The following SNRPN variants were observed in gnomAD, a reference collection of about 807,000 sequenced individuals.
SNRPN encodes the protein small nuclear ribonucleoprotein polypeptide N, also known as small nuclear ribonucleoprotein-associated protein N.
Under a neutral mutation model 25.2 loss-of-function variants are expected in SNRPN, and 7 were observed. The ratio of observed to expected loss-of-function variants is 0.28; its 90% confidence interval spans 0.16 to 0.52. The LOEUF is 0.52. SNRPN is among the 20% of genes least tolerant of loss of function. The pLI, the probability that SNRPN is intolerant of heterozygous loss-of-function variation, is 0.96. For synonymous variants in SNRPN, 124 were observed against 110.6 expected, an observed-to-expected ratio of 1.12 and a Z score of -0.76; for missense variants, 196 against 322.5, an observed-to-expected ratio of 0.61 and a Z score of 3.00.
exon 2 of SNRPN, chr15:24,886,574 T>TG (rs914622753): frequency 6.6e-6 from 1 of 152,200 alleles, no homozygotes; most frequent in African/African-American, 2.4e-5. Context: ...AGCAGCCACG[T>TG]GGGGCACTTC....
At chr15:24,969,460 T>A (rs892589579) in intron 3 of SNRPN, among the ~76,000 whole-genome samples, 1 of 152,112 alleles carries the variant, frequency 6.6e-6, no homozygotes, top group Admixed American at 6.6e-5. Flanking sequence ...GAGACAGAAA[T>A]TTTCTGAGAA....
chr15:24,950,069 G>T (rs1337856377), upstream of SNRPN, among the ~76,000 whole-genome samples: 2 of 151,998 alleles, frequency 1.3e-5, no homozygotes, highest in South Asian at 2.1e-4. Context: ...CAATCCTCTC[G>T]CCTTGGCTTC....
In SNRPN at chr15:24,967,855, C is replaced by T; in HGVS notation, c.-294-77C>T. 18 of 1,122,020 alleles carry T rather than the reference C, an allele frequency of 1.6e-5. No individual in the cohort carries two copies. In the South Asian group the frequency reaches 2.3e-4, roughly 14 times the overall value. The allele number at this position is 1,122,020 out of a possible 1,614,324, so 69.5% of individuals were successfully genotyped here. A position where few individuals can be genotyped will look rare whatever the true frequency, so the allele number is the denominator to read the frequency against. The stretch of plus-strand genomic sequence containing the variant: ...GAATATCTTCTTAAATGTAAGGGTA[C>T]CTAGTTTTCTTTCATATGGTTTCCT... On this transcript the variant is annotated intron_variant, in intron 2 of 9. Coordinates refer to ENST00000390687, the MANE Select transcript of SNRPN (RefSeq NM_003097.6).
At chr15:24,908,172 T>C (rs1222677041) in intron 2 of SNRPN, among the ~76,000 whole-genome samples, 1 of 151,918 alleles carries the variant, frequency 6.6e-6, no homozygotes, top group South Asian at 2.1e-4. Flanking sequence ...ACTCCAGAAC[T>C]GTGAGAAACA....
At chr15:24,965,070 T>G (rs1714489611) in intron 2 of SNRPN, among the ~76,000 whole-genome samples, 1 of 152,200 alleles carries the variant, frequency 6.6e-6, no homozygotes, top group Non-Finnish European at 1.5e-5. Context: ...GTAAGCAGGA[T>G]TGGTTAACAC....
At chr15:24,824,687 C>G (rs1477216049) in intron 1 of SNRPN, among the ~76,000 whole-genome samples, 1 of 151,736 alleles carries the variant, frequency 6.6e-6, no homozygotes, top group East Asian at 1.9e-4. Context: ...AATAGTTTAC[C>G]TACTTTTTAG....
intron 1 of SNRPN, among the ~76,000 whole-genome samples, chr15:24,864,193 A>T (rs1336116203): frequency 7.7e-6 from 1 of 130,306 alleles, no homozygotes; most frequent in Non-Finnish European, 1.6e-5. Context: ...CGCCCGGCTA[A>T]TTTTTTTTGT....
intron 3 of SNRPN, among the ~76,000 whole-genome samples, chr15:24,969,903 C>T (rs1007578507): frequency 3.3e-5 from 5 of 152,100 alleles, no homozygotes; most frequent in South Asian, 2.1e-4. Context: ...ATTGGTGCTA[C>T]GGTGGTGCAG....
chr15:24,857,366 T>TCTGTTTCTTC (rs2053504336), intron 1 of SNRPN, among the ~76,000 whole-genome samples: 2 of 152,200 alleles, frequency 1.3e-5, no homozygotes, highest in Non-Finnish European at 2.9e-5. Flanking sequence ...ACCAATGATA[T>TCTGTTTCTTC]AGATATATAT....
chr15:24,951,472 A>T (rs172678), upstream of SNRPN, among the ~76,000 whole-genome samples: 20,615 of 150,624 alleles, frequency 0.14, 2,508 homozygotes, highest in African/African-American at 0.33. Context: ...TTTGCCCATT[A>T]AAAAAAAATG....
In SNRPN at chr15:24,847,643, T is replaced by C. The variant is rs532285320; in HGVS notation, c.-579+17738T>C. The stretch of plus-strand genomic sequence containing the variant: ...GATAGAGTGAGACTCTCCCTCAAAA[T>C]AATAAAATAATATTGCTGCAGGGGT... On this transcript the variant is annotated intron_variant, in intron 2 of 12. Transcript: ENST00000400100. Among the ~76,000 whole-genome samples the C allele has an allele frequency of 9.2e-5, 14 of 152,212 alleles. No individual in the cohort carries two copies. In the South Asian group the frequency reaches 2.3e-3, roughly 25 times the overall value.
intron 2 of SNRPN, among the ~76,000 whole-genome samples, chr15:24,834,763 A>ATATG (rs1363501647): frequency 3.4e-5 from 2 of 59,110 alleles, no homozygotes; most frequent in South Asian, 4.4e-4. Flanking sequence ...ATATATATAT[A>ATATG]TATATATATA....
intron 2 of SNRPN, among the ~76,000 whole-genome samples, chr15:24,965,470 A>G (rs1596262886): frequency 6.6e-6 from 1 of 152,094 alleles, no homozygotes; most frequent in South Asian, 2.1e-4. Flanking sequence ...CTGGGAGGCA[A>G]AGGTTGCAGT....
chr15:24,947,990 A>C (rs57929711), intron 3 of SNRPN, among the ~76,000 whole-genome samples: 1 of 151,988 alleles, frequency 6.6e-6, no homozygotes, highest in Admixed American at 6.6e-5. Flanking sequence ...GTACATGTGC[A>C]CAATGTGCAG....
intron 2 of SNRPN, chr15:24,909,184 T>C: frequency 6.9e-7 from 1 of 1,452,048 alleles, no homozygotes; most frequent in Non-Finnish European, 9.6e-7. Flanking sequence ...TTTCATCTTC[T>C]TCCATTAAGT....
chr15:24,954,933 G>T, upstream of SNRPN: 1 of 1,464,536 alleles, frequency 6.8e-7, no homozygotes, highest in South Asian at 1.2e-5. Context: ...AGGCTGGCGC[G>T]CATGCTCAGG....
intron 4 of SNRPN, chr15:24,974,851 A>T: frequency 2.9e-6 from 2 of 695,376 alleles, no homozygotes. Context: ...GAGATGAGCC[A>T]CTGTGCCTGG....
Position 24,911,048 on chromosome 15 carries a change from C to T in SNRPN, c.-504-8963C>T, listed in dbSNP as rs1000709767. 20 of 1,514,892 alleles carry T rather than the reference C, an allele frequency of 1.3e-5. No homozygotes were observed. The South Asian group carries it at 2.3e-4, about 17-fold the overall frequency. The allele number at this position is 1,514,892 out of a possible 1,614,324, so 93.8% of individuals were successfully genotyped here. On this transcript the variant is annotated intron_variant, in intron 2 of 11. Coordinates refer to the SNRPN transcript ENST00000400097. ...CATCCATGAAGTAGGAATTGGGGCT[C>T]TGCACCAGGTGTTTCTTCTTGTGTT...
intron 2 of SNRPN, among the ~76,000 whole-genome samples, chr15:24,916,811 G>A (rs2647354): frequency 0.73 from 110,620 of 151,988 alleles, 40,368 homozygotes; most frequent in South Asian, 0.82. Context: ...GAAGCCACAA[G>A]CCTTCTGAAC....
Sources: gnomAD v4.1 joint callset for allele counts (sites outside exome capture counted in the v4.1 genomes callset) on GRCh38, gnomAD v4.1.1 for gene constraint, MANE v1.5 for transcripts, NCBI Gene and HGNC (gene_info 2026-07-23, HGNC 2026-07-21) for gene names.